Variants in RPS6KC1 observed in about 807,000 individuals in gnomAD.
The protein encoded by RPS6KC1 is inactive ribosomal protein S6 kinase delta-1.
In RPS6KC1, 54 loss-of-function variants were observed where a neutral mutation model predicts 103.8. The observed-to-expected ratio is 0.52, with a 90% CI of 0.42 to 0.65. The LOEUF (loss-of-function observed/expected upper bound fraction) is 0.65, where lower values mean the gene tolerates loss of function less well. Among genes scored for constraint, RPS6KC1 ranks in the 30% least tolerant of loss-of-function variants. The pLI, the probability that RPS6KC1 is intolerant of heterozygous loss-of-function variation, is 0.00. For synonymous variants in RPS6KC1, 439 were observed against 438.7 expected (o/e 1.00, Z -0.01); for missense variants, 1,151 against 1,253.8 (o/e 0.92, Z 1.24).
At chr1:213,270,377 A>C (rs558869845) in intron 14 of RPS6KC1, among the ~76,000 whole-genome samples, 3 of 152,390 alleles carry the variant, frequency 2.0e-5, no homozygotes, top group African/African-American at 7.2e-5. Flanking sequence ...TAGGCAAAGA[A>C]GTATTAGATG....
rs116122352 is a variant in RPS6KC1, at chr1:213,264,429, A to G, written c.3090+1613A>G. 5.9e-3 allele frequency among the ~76,000 whole-genome samples: 900 copies of G among 152,296 alleles called. 4 individuals carry two copies. Among genetic ancestry groups the G allele is most frequent in the Non-Finnish European group, 0.01 (698 of 68,010 alleles). ...TATTTTTTAGTAAGTAGTTTAGGAAAGACTGGCAACTGCTATTTTTTGTTT... is the reference window on the plus strand; with the variant it reads ...TATTTTTTAGTAAGTAGTTTAGGAAGGACTGGCAACTGCTATTTTTTGTTT... On this transcript the variant is annotated intron_variant, in intron 14 of 14. Transcript: ENST00000366960.
chr1:213,739,468 T>C, the RPS6KC1 span, among the ~76,000 whole-genome samples: 1,370 of 152,196 alleles, frequency 9.0e-3, 27 homozygotes, highest in African/African-American at 0.031. Context: ...AAGGGTCAAC[T>C]GTAGTAAAAT....
the RPS6KC1 span, among the ~76,000 whole-genome samples, chr1:213,602,190 T>TTTCTTTCTTTCTTTCTTTC: frequency 3.3e-5 from 2 of 60,580 alleles, no homozygotes; most frequent in African/African-American, 1.4e-4. Flanking sequence ...TTCTTTCTTT[T>TTTCTTTCTTTCTTTCTTTC]TCCCTCCCTC....
chr1:213,437,820 C>T, the RPS6KC1 span, among the ~76,000 whole-genome samples: 2,387 of 151,516 alleles, frequency 0.016, 59 homozygotes, highest in African/African-American at 0.053. Context: ...AATTAATTTT[C>T]AGCCTTTACA....
the RPS6KC1 span, among the ~76,000 whole-genome samples, chr1:213,305,537 G>A: frequency 7.2e-5 from 11 of 152,174 alleles, no homozygotes; most frequent in East Asian, 3.8e-4. Flanking sequence ...CTCCAACTCC[G>A]TTCAGCTGAG....
chr1:213,674,385 T>C, the RPS6KC1 span, among the ~76,000 whole-genome samples: 1 of 152,190 alleles, frequency 6.6e-6, no homozygotes, highest in East Asian at 1.9e-4. Flanking sequence ...ATATATAGTG[T>C]TTGGTGTTCT....
At chr1:213,651,937 T>C in the RPS6KC1 span, among the ~76,000 whole-genome samples, 1 of 152,166 alleles carries the variant, frequency 6.6e-6, no homozygotes, top group African/African-American at 2.4e-5. Context: ...CAGGCCTCAG[T>C]TCACAGTCAC....
chr1:213,809,415 T>G, the RPS6KC1 span, among the ~76,000 whole-genome samples: 2,159 of 152,290 alleles, frequency 0.014, 21 homozygotes, highest in Non-Finnish European at 0.023. Context: ...TTGTGAGAAT[T>G]ACCAAAATGA....
Position 213,240,849 on chromosome 1 carries a change from C to G in RPS6KC1, c.1373C>G (p.Ser458Cys). ...CCTCAGGACAGCAGTAGCTTTGAAT[C>G]CAGAGGAAGTGATGGTGGAAGCATG... The part of the protein sequence containing the change: ...SSPQDSSSFE[S>C]RGSDGGSMLK... The change falls in exon 11 of 15, where the codon TCC (serine) becomes TGC (cysteine). Residue 458 changes from serine to cysteine, a missense_variant. Ser to Cys is a moderately radical substitution (Grantham distance 112, BLOSUM62 -1). Around this residue, in one of 3 missense-constraint regions of RPS6KC1, gnomAD observed 959 missense variants for 1,006.3 expected, o/e 0.95. Transcript: ENST00000366960. 1 of 1,613,884 alleles carries G rather than the reference C, an allele frequency of 6.2e-7. No individual in the cohort carries two copies. The highest frequency in any genetic ancestry group is 8.5e-7 in the Non-Finnish European group (1 of 1,179,894).
chr1:213,397,531 G>C, the RPS6KC1 span, among the ~76,000 whole-genome samples: 3 of 151,050 alleles, frequency 2.0e-5, no homozygotes, highest in Non-Finnish European at 4.4e-5. Flanking sequence ...GGTCCTGAAA[G>C]GATGGGGAAT....
At chr1:213,665,985 G>T in the RPS6KC1 span, among the ~76,000 whole-genome samples, 7 of 152,152 alleles carry the variant, frequency 4.6e-5, no homozygotes, top group African/African-American at 1.4e-4. Context: ...CTATATATTT[G>T]TTAAATATTA....
chr1:213,628,339 T>C, the RPS6KC1 span, among the ~76,000 whole-genome samples: 14 of 152,298 alleles, frequency 9.2e-5, no homozygotes, highest in East Asian at 2.7e-3. Context: ...TTGCTAGCGG[T>C]CTATCAATTT....
At chr1:213,100,617 G>A (rs538427117) in intron 3 of RPS6KC1, among the ~76,000 whole-genome samples, 1 of 152,080 alleles carries the variant, frequency 6.6e-6, no homozygotes, top group Non-Finnish European at 1.5e-5. Flanking sequence ...CTCAATGTCT[G>A]TTGTGCCCAT....
chr1:213,724,899 T>C, the RPS6KC1 span, among the ~76,000 whole-genome samples: 1 of 152,212 alleles, frequency 6.6e-6, no homozygotes, highest in Non-Finnish European at 1.5e-5. Context: ...TTCACATTTA[T>C]AGTCAAAGAA....
the RPS6KC1 span, among the ~76,000 whole-genome samples, chr1:213,401,002 C>T: frequency 5.3e-5 from 8 of 152,058 alleles, no homozygotes; most frequent in East Asian, 1.2e-3. Flanking sequence ...CCACCGTGCT[C>T]GTCCCCTTTT....
At chr1:213,771,136 T>TTTGC in the RPS6KC1 span, among the ~76,000 whole-genome samples, 4 of 151,952 alleles carry the variant, frequency 2.6e-5, no homozygotes, top group Non-Finnish European at 5.9e-5. Context: ...TGTTTGTTTG[T>TTTGC]TTGTTTGTTT....
At chr1:213,319,219 TAGCTTGA>T in the RPS6KC1 span, among the ~76,000 whole-genome samples, 1 of 147,434 alleles carries the variant, frequency 6.8e-6, no homozygotes, top group South Asian at 2.1e-4. Flanking sequence ...GGCACAAGAA[TAGCTTGA>T]AGCTTGAACC....
the RPS6KC1 span, among the ~76,000 whole-genome samples, chr1:213,414,568 A>G: frequency 6.6e-6 from 1 of 152,106 alleles, no homozygotes; most frequent in Admixed American, 6.5e-5. Context: ...GGCACGGGGC[A>G]TATTGTCCCA....
At chr1:213,181,368 A>G (rs2092258575) in intron 8 of RPS6KC1, among the ~76,000 whole-genome samples, 1 of 152,244 alleles carries the variant, frequency 6.6e-6, no homozygotes. Flanking sequence ...AGATGCCTTC[A>G]CATTTTGTAA....
Sources: allele counts gnomAD v4.1 joint callset (sites outside exome capture counted in the v4.1 genomes callset), GRCh38; gene constraint gnomAD v4.1.1; regional missense constraint gnomAD v4.1.1; transcripts MANE v1.5; gene names NCBI Gene and HGNC (gene_info 2026-07-23, HGNC 2026-07-21).